The following RTL4 variants were observed in gnomAD, a reference collection of about 807,000 sequenced individuals.
The protein encoded by RTL4 is retrotransposon Gag-like protein 4.
A neutral mutation model predicts 5.3 loss-of-function variants in RTL4; 4 were observed. The observed-to-expected ratio is 0.75, with a 90% CI of 0.37 to 1.72. The LOEUF is 1.72. Among genes scored for constraint, RTL4 ranks in the 40% most tolerant of loss-of-function variants. The pLI is 0.04. For synonymous variants in RTL4, 98 were observed against 87.3 expected (o/e 1.12, Z -0.68); for missense variants, 260 against 227.1 (o/e 1.14, Z -0.93).
chrX:112,316,925 A>G, the RTL4 span, among the ~76,000 whole-genome samples: 4 of 112,027 alleles, frequency 3.6e-5, no homozygotes, highest in African/African-American at 1.3e-4. Flanking sequence ...GCTCAGCCAC[A>G]TGTCGCTGTA....
the RTL4 span, among the ~76,000 whole-genome samples, chrX:112,339,172 A>C: frequency 8.9e-6 from 1 of 112,205 alleles, no homozygotes; most frequent in Middle Eastern, 4.6e-3. Context: ...CTTAAAAAAG[A>C]GAAAGAGTTC....
the RTL4 span, among the ~76,000 whole-genome samples, chrX:112,146,529 G>A: frequency 5.4e-5 from 6 of 110,948 alleles, no homozygotes; most frequent in Non-Finnish European, 1.1e-4. Context: ...TAGACAGTTA[G>A]CATAGAAGAG....
At chrX:112,126,662 T>G in the RTL4 span, among the ~76,000 whole-genome samples, 1 of 111,926 alleles carries the variant, frequency 8.9e-6, no homozygotes, top group Non-Finnish European at 1.9e-5. Flanking sequence ...GACAAGCATT[T>G]AAGTAGGCTG....
chrX:112,335,496 G>A, the RTL4 span, among the ~76,000 whole-genome samples: 1 of 110,897 alleles, frequency 9.0e-6, no homozygotes, highest in African/African-American at 3.3e-5. Flanking sequence ...ACTTTTTGAA[G>A]GTAAACAAAT....
At chrX:112,452,135 G>A (rs1296054624), upstream of RTL4, among the ~76,000 whole-genome samples, 1 of 102,389 alleles carries the variant, frequency 9.8e-6, no homozygotes. Context: ...CTGTCACCCA[G>A]GCTGTAATGC....
At chrX:112,188,292 C>G in the RTL4 span, among the ~76,000 whole-genome samples, 2 of 111,192 alleles carry the variant, frequency 1.8e-5, no homozygotes, top group Non-Finnish European at 3.8e-5. Flanking sequence ...TTCTCTTCAT[C>G]TCTAGTCTAC....
the RTL4 span, among the ~76,000 whole-genome samples, chrX:112,400,292 G>T: frequency 3.8e-4 from 42 of 111,324 alleles, no homozygotes; most frequent in Non-Finnish European, 6.8e-4. Context: ...ATTATGTTTC[G>T]TTTGGGATCA....
At chrX:112,203,647 A>G in the RTL4 span, among the ~76,000 whole-genome samples, 1 of 111,441 alleles carries the variant, frequency 9.0e-6, no homozygotes, top group African/African-American at 3.3e-5. Context: ...TCTTGGTTGT[A>G]TCAGCTATAT....
chrX:112,400,495 A>C, the RTL4 span, among the ~76,000 whole-genome samples: 2 of 111,704 alleles, frequency 1.8e-5, no homozygotes, highest in Non-Finnish European at 3.8e-5. Flanking sequence ...CTGTCTACTA[A>C]TTCTGCCATC....
At chrX:112,100,444 GT>G in the RTL4 span, among the ~76,000 whole-genome samples, 1 of 112,087 alleles carries the variant, frequency 8.9e-6, no homozygotes. Context: ...AGTCATGAAT[GT>G]ATATACGTGG....
At chrX:112,138,387 A>T in the RTL4 span, among the ~76,000 whole-genome samples, 1 of 111,905 alleles carries the variant, frequency 8.9e-6, no homozygotes, top group African/African-American at 3.2e-5. Context: ...GTAAGAAAGT[A>T]AATATTACAT....
chrX:112,189,515 A>G, the RTL4 span, among the ~76,000 whole-genome samples: 1 of 111,234 alleles, frequency 9.0e-6, no homozygotes, highest in Non-Finnish European at 1.9e-5. Flanking sequence ...ATAAAGAAAT[A>G]GCTTTGGGAG....
the RTL4 span, among the ~76,000 whole-genome samples, chrX:112,438,791 G>T: frequency 8.9e-6 from 1 of 111,852 alleles, no homozygotes; most frequent in African/African-American, 3.3e-5. Flanking sequence ...TAATTACCCA[G>T]AGCTTTAAGC....
chrX:112,260,102 T>A, the RTL4 span, among the ~76,000 whole-genome samples: 3 of 111,670 alleles, frequency 2.7e-5, no homozygotes, highest in Non-Finnish European at 3.8e-5. Context: ...TTGGATAGAA[T>A]GCTCTGGAGT....
chrX:112,226,722 G>GAATACATGAATACAT, the RTL4 span, among the ~76,000 whole-genome samples: 584 of 108,673 alleles, frequency 5.4e-3, 3 homozygotes, highest in African/African-American at 0.018. Flanking sequence ...TCATGTATTT[G>GAATACATGAATACAT]GCCTACACCA....
chrX:112,339,076 A>G, the RTL4 span, among the ~76,000 whole-genome samples: 2 of 110,821 alleles, frequency 1.8e-5, no homozygotes, highest in Non-Finnish European at 3.8e-5. Context: ...GTATATTCTA[A>G]TTGAGGATCG....
At chrX:112,358,724 C>A in the RTL4 span, among the ~76,000 whole-genome samples, 1 of 111,434 alleles carries the variant, frequency 9.0e-6, no homozygotes, top group East Asian at 2.9e-4. Context: ...CATTCCAGAT[C>A]TCTCACTCTC....
chrX:112,419,595 T>TATATATA, the RTL4 span, among the ~76,000 whole-genome samples: 919 of 28,137 alleles, frequency 0.033, 74 homozygotes, highest in South Asian at 0.074. Flanking sequence ...ATATATATAT[T>TATATATA]TTTACATATG....
the RTL4 span, among the ~76,000 whole-genome samples, chrX:112,336,971 T>G: frequency 1.8e-5 from 2 of 112,319 alleles, no homozygotes; most frequent in African/African-American, 6.5e-5. Flanking sequence ...TCTATGGTGT[T>G]CACATGTTGT....
Sources: gnomAD v4.1 joint callset for allele counts (sites outside exome capture counted in the v4.1 genomes callset) on GRCh38, gnomAD v4.1.1 for gene constraint, MANE v1.5 for transcripts, NCBI Gene and HGNC (gene_info 2026-07-23, HGNC 2026-07-21) for gene names.